CAAP1: variants seen among roughly 807,000 people sequenced by gnomAD.
The protein encoded by CAAP1 is caspase activity and apoptosis inhibitor 1.
CAAP1 carries 20 observed loss-of-function variants against 34.0 expected under a neutral mutation model. The observed-to-expected ratio is 0.59, with a 90% confidence interval of 0.41 to 0.86. The LOEUF is 0.86. Ranked by LOEUF, CAAP1 falls within the 40% of genes least tolerant of loss-of-function variation. The pLI is 0.00. For missense variants in CAAP1, 538 were observed against 450.5 expected (o/e 1.19, Z -1.76); for synonymous variants, 213 against 166.7 (o/e 1.28, Z -2.14).
chr9:26,887,501 T>C lies in CAAP1; in HGVS notation c.316A>G (p.Ile106Val), dbSNP rs1230907661. The change falls in exon 2 of 6, where the codon ATT becomes GTT. Residue 106 changes from isoleucine (I) to valine (V), a missense_variant. Physicochemically the swap from Ile to Val is conservative, Grantham distance 29. This residue lies in a region of CAAP1 where 514 missense variants were observed against 408.4 expected (regional missense o/e 1.26). Coordinates refer to ENST00000333916, the MANE Select transcript of CAAP1 (RefSeq NM_024828.4). The stretch of plus-strand genomic sequence containing the variant: ...AATTCTTTTTCCAAAGTTGGCAAAA[T>C]ATATTTAGTTTCCTAAAGTTAAAAG... ...SGSLQQETKY[I>V]LPTLEKELFL... The C allele has an allele frequency of 1.9e-6, 3 of 1,594,100 alleles. No individual in the cohort carries two copies. Among genetic ancestry groups the C allele is most frequent in the African/African-American group, 1.4e-5 (1 of 73,974 alleles).
intron 4 of CAAP1, among the ~76,000 whole-genome samples, chr9:26,872,050 A>C (rs1040013268): frequency 7.9e-5 from 12 of 152,196 alleles, no homozygotes; most frequent in African/African-American, 2.9e-4. Flanking sequence ...AAACTAACAA[A>C]CAGCAAGAGT....
chr9:26,867,793 TTAAC>T (rs1217756641), intron 4 of CAAP1, among the ~76,000 whole-genome samples: 1 of 152,116 alleles, frequency 6.6e-6, no homozygotes, highest in Admixed American at 6.6e-5. Context: ...TATTTTAATA[TTAAC>T]TATTTTATTA....
intron 5 of CAAP1, among the ~76,000 whole-genome samples, chr9:26,846,861 A>G (rs1266968495): frequency 1.3e-5 from 2 of 151,294 alleles, no homozygotes; most frequent in Non-Finnish European, 1.5e-5. Flanking sequence ...CTAATTTCGT[A>G]TTTTTAGTAG....
At chr9:26,858,586 G>A (rs1325931897) in intron 5 of CAAP1, among the ~76,000 whole-genome samples, 1 of 152,150 alleles carries the variant, frequency 6.6e-6, no homozygotes, top group African/African-American at 2.4e-5. Context: ...ACTTTGGGAG[G>A]CTAAGGCAGG....
At chr9:26,870,705 C>A (rs1381829407) in intron 4 of CAAP1, among the ~76,000 whole-genome samples, 1 of 151,710 alleles carries the variant, frequency 6.6e-6, no homozygotes, top group Non-Finnish European at 1.5e-5. Context: ...CAACCTCTGC[C>A]TCCCCGGTTC....
At chr9:26,858,989 A>G (rs1421120631) in intron 5 of CAAP1, among the ~76,000 whole-genome samples, 2 of 136,274 alleles carry the variant, frequency 1.5e-5, no homozygotes, top group Non-Finnish European at 3.0e-5. Context: ...AGAGCGAGAG[A>G]CTGTCTCAAA....
intron 5 of CAAP1, among the ~76,000 whole-genome samples, chr9:26,850,794 G>A (rs1822731620): frequency 6.6e-6 from 1 of 152,052 alleles, no homozygotes; most frequent in African/African-American, 2.4e-5. Context: ...CTTATGTGTA[G>A]TGTATTAAGC....
chr9:26,849,236 C>A (rs1255908128), intron 5 of CAAP1, among the ~76,000 whole-genome samples: 1 of 152,154 alleles, frequency 6.6e-6, no homozygotes, highest in Non-Finnish European at 1.5e-5. Context: ...TCTTTTACAT[C>A]TTTGTCTTCC....
At chr9:26,890,407 A>T (rs1186080761) in intron 1 of CAAP1, among the ~76,000 whole-genome samples, 1 of 151,990 alleles carries the variant, frequency 6.6e-6, no homozygotes, top group East Asian at 1.9e-4. Context: ...ATTTAAAATA[A>T]GAATGGTAAT....
intron 1 of CAAP1, 75 bp from the exon 2 acceptor site, chr9:26,887,588 T>G: frequency 1.2e-6 from 1 of 842,266 alleles, no homozygotes; most frequent in Non-Finnish European, 1.8e-6. Flanking sequence ...ACATCATACG[T>G]TTTCATTTAA....
At chr9:26,858,996 CAAA>C (rs397790530) in intron 5 of CAAP1, among the ~76,000 whole-genome samples, 6 of 65,520 alleles carry the variant, frequency 9.2e-5, no homozygotes, top group Admixed American at 1.7e-4. Flanking sequence ...GAGACTGTCT[CAAA>C]AAAAAAAAAA....
At chr9:26,881,797 G>A (rs1363257784) in intron 4 of CAAP1, among the ~76,000 whole-genome samples, 5 of 152,228 alleles carry the variant, frequency 3.3e-5, no homozygotes, top group Non-Finnish European at 7.3e-5. Context: ...GGGCCCAGAA[G>A]ACAGGAAAAT....
intron 4 of CAAP1, among the ~76,000 whole-genome samples, chr9:26,868,927 G>A (rs1412598443): frequency 6.6e-6 from 1 of 151,934 alleles, no homozygotes; most frequent in African/African-American, 2.4e-5. Context: ...GGAACATCCG[G>A]GAAAATCTGA....
intron 4 of CAAP1, among the ~76,000 whole-genome samples, chr9:26,861,929 T>G (rs922856035): frequency 5.9e-5 from 9 of 152,196 alleles, no homozygotes; most frequent in African/African-American, 2.2e-4. Context: ...ACCGAAGGAT[T>G]AAAAAAGACT....
intron 5 of CAAP1, among the ~76,000 whole-genome samples, chr9:26,847,198 A>ATTTCTTT (rs1822633753): frequency 2.9e-5 from 1 of 34,708 alleles, no homozygotes; most frequent in Non-Finnish European, 5.0e-5. Context: ...AAAAAGCAAT[A>ATTTCTTT]TTTTTTTTTT....
chr9:26,876,797 C>A (rs534013391), intron 4 of CAAP1, among the ~76,000 whole-genome samples: 13 of 152,240 alleles, frequency 8.5e-5, no homozygotes, highest in African/African-American at 2.9e-4. Context: ...CAACATAATG[C>A]CACAAGTGGG....
chr9:26,873,095 AT>A (rs1554651926), intron 4 of CAAP1, among the ~76,000 whole-genome samples: 2 of 152,186 alleles, frequency 1.3e-5, no homozygotes, highest in Non-Finnish European at 2.9e-5. Context: ...TCTACAAAAA[AT>A]TTAAAAATTA....
chr9:26,889,215 G>A (rs1181533001), intron 1 of CAAP1, among the ~76,000 whole-genome samples: 1 of 152,154 alleles, frequency 6.6e-6, no homozygotes, highest in East Asian at 1.9e-4. Context: ...TCAGCTGTTC[G>A]AGACCAGCCT....
intron 5 of CAAP1, among the ~76,000 whole-genome samples, chr9:26,854,747 G>A (rs916679644): frequency 6.6e-6 from 1 of 152,140 alleles, no homozygotes; most frequent in Non-Finnish European, 1.5e-5. Context: ...AATGATCTGA[G>A]AAGACAACTC....
Sources: gnomAD v4.1 joint callset for allele counts (sites outside exome capture counted in the v4.1 genomes callset) on GRCh38, gnomAD v4.1.1 for gene constraint, gnomAD v4.1.1 regional missense constraint, MANE v1.5 for transcripts, NCBI Gene and HGNC (gene_info 2026-07-23, HGNC 2026-07-21) for gene names.